CUX2: variants seen among roughly 807,000 people sequenced by gnomAD.
The protein encoded by CUX2 is homeobox protein cut-like 2.
Under a neutral mutation model 144.8 loss-of-function variants are expected in CUX2, and 40 were observed. The ratio of observed to expected loss-of-function variants is 0.28; its 90% confidence interval spans 0.21 to 0.36. The LOEUF (loss-of-function observed/expected upper bound fraction) is 0.36. CUX2 is among the 10% of genes least tolerant of loss of function. The probability of loss-of-function intolerance (pLI) is 1.00; values close to 1 mark genes in which losing one functional copy is unlikely to be tolerated. For missense variants in CUX2, 1,615 were observed against 1,994.0 expected (o/e 0.81, Z 3.62); for synonymous variants, 827 against 875.6 (o/e 0.94, Z 0.98).
chr12:111,282,364 C>T (rs1592914657), intron 4 of CUX2, among the ~76,000 whole-genome samples: 1 of 151,162 alleles, frequency 6.6e-6, no homozygotes, highest in African/African-American at 2.4e-5. Flanking sequence ...CCTTGGCTCA[C>T]GCCTGTAATC....
At chr12:111,336,288 A>C (rs1888345162) in intron 19 of CUX2, among the ~76,000 whole-genome samples, 1 of 152,202 alleles carries the variant, frequency 6.6e-6, no homozygotes, top group Admixed American at 6.5e-5. Context: ...TGCAAACCCC[A>C]ACATTTTCAC....
intron 9 of CUX2, 104 bp downstream of exon 9, chr12:111,298,693 T>C (rs1886139437): frequency 1.7e-6 from 2 of 1,196,412 alleles, no homozygotes; most frequent in East Asian, 5.1e-5. Context: ...CATCAATATT[T>C]ATTCAACTGT....
At chr12:111,066,835 C>G (rs1279808586) in intron 1 of CUX2, among the ~76,000 whole-genome samples, 1 of 152,132 alleles carries the variant, frequency 6.6e-6, no homozygotes, top group African/African-American at 2.4e-5. Flanking sequence ...AGCCTCTGCC[C>G]CTCTCTGAGC....
Position 111,320,183 on chromosome 12 carries a change from C to T in CUX2, c.2174C>T (p.Pro725Leu). Reference sequence around the variant, plus strand: ...GCGCCCAGGGGCCGCTCGGTGCCCCCCTCGCCCCCGGAGCGGCCATCACTG... The same window carrying T: ...GCGCCCAGGGGCCGCTCGGTGCCCCTCTCGCCCCCGGAGCGGCCATCACTG... ...EVAPRGRSVP[P>L]SPPERPSLAT... The change falls in exon 17 of 22, where the codon CCC (proline) becomes CTC (leucine). Residue 725 changes from proline to leucine, a missense_variant. Pro to Leu is a moderately conservative substitution (Grantham distance 98). Coordinates refer to ENST00000261726, the MANE Select transcript of CUX2 (RefSeq NM_015267.4). The surrounding 1 kb of genome is among the most constrained non-coding windows in gnomAD (Gnocchi z 8.1). 1 of 1,532,186 alleles carries T rather than the reference C, an allele frequency of 6.5e-7. No individual in the cohort carries two copies. Among genetic ancestry groups the T allele is most frequent in the Non-Finnish European group, 8.7e-7 (1 of 1,144,868 alleles). 94.9% of individuals were successfully genotyped at this position (1,532,186 alleles called of 1,614,324 possible).
At chr12:111,066,699 G>A (rs1331815547) in intron 1 of CUX2, among the ~76,000 whole-genome samples, 1 of 152,174 alleles carries the variant, frequency 6.6e-6, no homozygotes, top group Admixed American at 6.5e-5. Context: ...TCTGCTCTAG[G>A]GGAACTTGAC....
chr12:111,259,793 C>CAAA (rs770448329), intron 3 of CUX2, among the ~76,000 whole-genome samples: 1 of 74,254 alleles, frequency 1.3e-5, no homozygotes, highest in African/African-American at 3.8e-5. Flanking sequence ...GACTCTGTCT[C>CAAA]AAAAAAAAAA....
At chr12:111,138,190 T>C (rs982489418) in intron 1 of CUX2, among the ~76,000 whole-genome samples, 2 of 152,202 alleles carry the variant, frequency 1.3e-5, no homozygotes, top group African/African-American at 4.8e-5. Flanking sequence ...CACGCACAGA[T>C]GTATCTGCCA....
intron 19 of CUX2, among the ~76,000 whole-genome samples, chr12:111,335,439 G>A (rs759906574): frequency 1.3e-5 from 2 of 151,470 alleles, no homozygotes; most frequent in African/African-American, 2.4e-5. Flanking sequence ...AGCTGGGCCC[G>A]GTGCCTCACG....
chr12:111,122,632 G>A (rs569352232), intron 1 of CUX2, among the ~76,000 whole-genome samples: 7 of 152,298 alleles, frequency 4.6e-5, no homozygotes, highest in Admixed American at 2.0e-4. Context: ...TTCTGTTGGC[G>A]TCTGCAAGGC....
At chr12:111,261,271 C>T (rs757424154) in intron 3 of CUX2, among the ~76,000 whole-genome samples, 25 of 152,122 alleles carry the variant, frequency 1.6e-4, no homozygotes, top group Non-Finnish European at 2.8e-4. Context: ...AGCAGCCATT[C>T]GGTGATTGAT....
chr12:111,181,028 C>T (rs575797946), intron 1 of CUX2, among the ~76,000 whole-genome samples: 3 of 152,314 alleles, frequency 2.0e-5, no homozygotes, highest in Non-Finnish European at 2.9e-5. Flanking sequence ...TCGACTGCGC[C>T]GGAATAGTCT....
intron 4 of CUX2, among the ~76,000 whole-genome samples, chr12:111,278,509 A>G (rs553555741): frequency 1.8e-4 from 28 of 152,308 alleles, no homozygotes; most frequent in African/African-American, 6.3e-4. Context: ...AGATGCCCCC[A>G]TGGAAAACTC....
At chr12:111,209,664 A>G (rs1000129185) in intron 1 of CUX2, among the ~76,000 whole-genome samples, 4 of 152,042 alleles carry the variant, frequency 2.6e-5, no homozygotes, top group South Asian at 2.1e-4. Flanking sequence ...CAGCACACCA[A>G]TGGCAAACCC....
chr12:111,174,487 C>T lies in CUX2; in HGVS notation c.64-39713C>T, dbSNP rs1033237461. 1.3e-4 allele frequency among the ~76,000 whole-genome samples: 20 copies of T among 152,316 alleles called. 1 individual carries two copies. The highest frequency in any genetic ancestry group is 1.0e-3 in the Admixed American group (16 of 15,302). ...AGGGCTGTGTGTGTCATATGTGAGT[C>T]ACATGCAGCCCCTAGTTGGATACAC... On this transcript the variant is annotated intron_variant, in intron 1 of 21. Coordinates refer to ENST00000261726, the MANE Select transcript of CUX2 (RefSeq NM_015267.4).
chr12:111,138,344 G>A (rs573610701), intron 1 of CUX2, among the ~76,000 whole-genome samples: 1 of 152,302 alleles, frequency 6.6e-6, no homozygotes, highest in South Asian at 2.1e-4. Flanking sequence ...GGAGCCAGCA[G>A]GGGGAGGTGC....
chr12:111,217,521 A>G (rs1881610073), intron 2 of CUX2, among the ~76,000 whole-genome samples: 1 of 152,024 alleles, frequency 6.6e-6, no homozygotes, highest in Non-Finnish European at 1.5e-5. Flanking sequence ...TCCAGCCCCC[A>G]CCCCACTCCA....
At chr12:111,115,279 C>CTTTTTTTTTTT (rs869307048) in intron 1 of CUX2, among the ~76,000 whole-genome samples, 5 of 88,762 alleles carry the variant, frequency 5.6e-5, no homozygotes, top group Non-Finnish European at 8.7e-5. Flanking sequence ...AATAAAATTT[C>CTTTTTTTTTTT]TTTTTTTTTT....
chr12:111,322,344 A>AAAAAAAT lies in CUX2; in HGVS notation c.2767-77_2767-76insAAAAAAT. The AAAAAAAT allele has an allele frequency of 7.6e-6, 8 of 1,050,828 alleles. No homozygotes were observed. Among genetic ancestry groups the AAAAAAAT allele is most frequent in the African/African-American group, 3.8e-5 (2 of 53,178 alleles). 65.1% of individuals were successfully genotyped at this position (1,050,828 alleles called of 1,614,324 possible). A position where few individuals can be genotyped will look rare whatever the true frequency, so the allele number is the denominator to read the frequency against. On this transcript the variant is annotated intron_variant, in intron 17 of 21. Transcript: ENST00000261726. This position sits in a 1 kb window ranked among gnomAD's most constrained non-coding sequence, Gnocchi z 4.2. ...CTCAAAAAAAAAAAAAAAAAAAAAA[A>AAAAAAAT]GGTTGGGGAGGAGAGTGAGGGCCAG...
chr12:111,285,096 T>C (rs1352789085), intron 4 of CUX2, among the ~76,000 whole-genome samples: 18 of 152,320 alleles, frequency 1.2e-4, no homozygotes, highest in African/African-American at 4.1e-4. Context: ...AGTCTCTTTA[T>C]TATTAGGCCC....
Sources: allele counts gnomAD v4.1 joint callset (sites outside exome capture counted in the v4.1 genomes callset), GRCh38; gene constraint gnomAD v4.1.1; non-coding constraint Gnocchi (gnomAD v3.1); transcripts MANE v1.5; gene names NCBI Gene and HGNC (gene_info 2026-07-23, HGNC 2026-07-21).